Variants in FRA10AC1 observed in about 807,000 individuals in gnomAD.
FRA10AC1 encodes the protein protein FRA10AC1.
Under a neutral mutation model 56.5 loss-of-function variants are expected in FRA10AC1, and 43 were observed. That is an observed-to-expected ratio of 0.76 (90% CI 0.60 to 0.98). The LOEUF (loss-of-function observed/expected upper bound fraction) is 0.98. Ranked by LOEUF, FRA10AC1 falls within the 50% of genes least tolerant of loss-of-function variation. The pLI is 0.00. For missense variants in FRA10AC1, 346 were observed against 351.8 expected (o/e 0.98, Z 0.13); for synonymous variants, 112 against 110.5 (o/e 1.01, Z -0.09).
chr10:93,700,331 T>C (rs868260912), intron 1 of FRA10AC1, among the ~76,000 whole-genome samples: 1 of 152,162 alleles, frequency 6.6e-6, no homozygotes, highest in South Asian at 2.1e-4. Context: ...TTAATTATCA[T>C]TAGGTGAACA....
At chr10:93,695,529 T>C (rs2059217420) in intron 4 of FRA10AC1, among the ~76,000 whole-genome samples, 1 of 152,068 alleles carries the variant, frequency 6.6e-6, no homozygotes, top group African/African-American at 2.4e-5. Context: ...ACAAAATATA[T>C]GAGCATTTTA....
chr10:93,671,141 T>C, intron 12 of FRA10AC1: 1 of 284,224 alleles, frequency 3.5e-6, no homozygotes, highest in East Asian at 7.2e-5. Flanking sequence ...AAGTCAATTA[T>C]CTCTTGCAAT....
At chr10:93,676,507 C>A (rs536246865) in intron 12 of FRA10AC1, 146 bp downstream of exon 12, 3 of 1,249,146 alleles carry the variant, frequency 2.4e-6, no homozygotes, top group East Asian at 3.3e-5. Flanking sequence ...ACACTTTTGG[C>A]CTTTTTTCTA....
intron 4 of FRA10AC1, among the ~76,000 whole-genome samples, chr10:93,695,337 T>A (rs1326637508): frequency 6.6e-6 from 1 of 151,666 alleles, no homozygotes; most frequent in Non-Finnish European, 1.5e-5. Context: ...TATCATAAAA[T>A]ATAATTTATC....
At chr10:93,678,449 A>G (rs573492450) in intron 11 of FRA10AC1, among the ~76,000 whole-genome samples, 1 of 152,254 alleles carries the variant, frequency 6.6e-6, no homozygotes, top group South Asian at 2.1e-4. Context: ...TTACACTGGG[A>G]GTACAGAGAG....
At chr10:93,702,929 A>G (rs920290855), upstream of FRA10AC1, 1 of 454,254 alleles carries the variant, frequency 2.2e-6, no homozygotes, top group African/African-American at 2.0e-5. Context: ...ATCCTCTCAG[A>G]GCAGCTCATC....
chr10:93,689,546 T>C (rs1029085691), intron 7 of FRA10AC1, among the ~76,000 whole-genome samples: 2 of 152,162 alleles, frequency 1.3e-5, no homozygotes, highest in Non-Finnish European at 2.9e-5. Context: ...AACTTTCTTC[T>C]TCATTCATTA....
intron 5 of FRA10AC1, among the ~76,000 whole-genome samples, chr10:93,693,410 C>T (rs2059156995): frequency 6.8e-6 from 1 of 147,282 alleles, no homozygotes; most frequent in African/African-American, 2.5e-5. Flanking sequence ...GCACAATTCG[C>T]AATTGCAAAG....
intron 4 of FRA10AC1, among the ~76,000 whole-genome samples, chr10:93,696,170 C>T (rs2059231676): frequency 6.6e-6 from 1 of 152,154 alleles, no homozygotes; most frequent in South Asian, 2.1e-4. Flanking sequence ...AGGCGCCCCG[C>T]TAGGGACCTC....
intron 4 of FRA10AC1, 38 bp downstream of exon 4, chr10:93,698,098 C>A: frequency 8.4e-7 from 1 of 1,190,308 alleles, no homozygotes; most frequent in South Asian, 1.6e-5. Context: ...TTAAAATATT[C>A]TACTAGTTAT....
intron 2 of FRA10AC1, among the ~76,000 whole-genome samples, chr10:93,698,912 T>C (rs980768954): frequency 6.6e-6 from 1 of 152,214 alleles, no homozygotes; most frequent in African/African-American, 2.4e-5. Context: ...TAAGACACTT[T>C]TTCACATTTT....
chr10:93,677,571 G>A (rs1020326642), intron 11 of FRA10AC1, among the ~76,000 whole-genome samples: 6 of 152,178 alleles, frequency 3.9e-5, no homozygotes, highest in African/African-American at 1.4e-4. Flanking sequence ...GAACCAAAGG[G>A]AGGAAGCTGT....
rs1336488387 is a variant in FRA10AC1 at position 93,693,524 on chromosome 10, TATAC to T, written c.297-799_297-796del. ...TATATATATACACCATATATATATA[TATAC>T]ACCATATATATATATATATACACAC... On this transcript the variant is annotated intron_variant, in intron 5 of 13. Transcript: ENST00000359204. 4.7e-3 allele frequency among the ~76,000 whole-genome samples: 63 copies of T among 13,450 alleles called. 3 individuals are homozygous for T. Among genetic ancestry groups the T allele is most frequent in the African/African-American group, 0.012 (58 of 4,792 alleles). 8.8% of individuals were successfully genotyped at this position (13,450 alleles called of 152,430 possible). A position where few individuals can be genotyped will look rare whatever the true frequency, so the allele number is the denominator to read the frequency against.
At chr10:93,688,926 TACTTA>T (rs1364361032) in intron 7 of FRA10AC1, among the ~76,000 whole-genome samples, 2 of 152,182 alleles carry the variant, frequency 1.3e-5, no homozygotes, top group Non-Finnish European at 2.9e-5. Flanking sequence ...TTGGGAAAGT[TACTTA>T]ACTTCTCTAC....
In FRA10AC1 at chr10:93,698,283, G is replaced by T; in HGVS notation, c.173+18C>A. ...GCAACTTAAACCAAGAAATAGAATT[G>T]ACACTGAAATACCATACCTATCCAG... is the stretch of plus-strand genomic sequence containing the variant. On this transcript the variant is annotated intron_variant, in intron 3 of 13. Coordinates refer to ENST00000359204, the MANE Select transcript of FRA10AC1 (RefSeq NM_145246.5). The T allele has an allele frequency of 1.3e-6, 2 of 1,558,380 alleles. No homozygotes were observed. The highest frequency in any genetic ancestry group is 1.1e-5 in the South Asian group (1 of 88,394).
intron 11 of FRA10AC1, among the ~76,000 whole-genome samples, chr10:93,678,933 A>G (rs2058887843): frequency 6.6e-6 from 1 of 152,104 alleles, no homozygotes; most frequent in Non-Finnish European, 1.5e-5. Flanking sequence ...GTCCAAACGC[A>G]GCTGAGATGT....
In FRA10AC1 at chr10:93,668,877, A is replaced by G. The variant is rs1164690403; in HGVS notation, c.*949T>C. 1 of 152,198 alleles carries G rather than the reference A, an allele frequency of 6.6e-6. No individual in the cohort carries two copies. Among genetic ancestry groups the G allele is most frequent in the Non-Finnish European group, 1.5e-5 (1 of 68,050 alleles). 9.4% of individuals were successfully genotyped at this position (152,198 alleles called of 1,614,324 possible). On this transcript the variant is annotated 3_prime_UTR_variant, in exon 14 of 14. Transcript: ENST00000359204. ...TTGGGTGGGGACACAGAGCCAAACC[A>G]TATCAGAGGTATATTCATATTTGCA...
At chr10:93,677,886 G>A (rs1169182140) in intron 11 of FRA10AC1, among the ~76,000 whole-genome samples, 2 of 152,162 alleles carry the variant, frequency 1.3e-5, no homozygotes, top group African/African-American at 4.8e-5. Flanking sequence ...TTCCAGGACT[G>A]ATCTCTGAAG....
chr10:93,701,258 A>C (rs1487675089), intron 1 of FRA10AC1, among the ~76,000 whole-genome samples: 1 of 152,192 alleles, frequency 6.6e-6, no homozygotes, highest in Non-Finnish European at 1.5e-5. Flanking sequence ...TACATAACTA[A>C]TTTACATGGC....
Sources: allele counts gnomAD v4.1 joint callset (sites outside exome capture counted in the v4.1 genomes callset), GRCh38; gene constraint gnomAD v4.1.1; transcripts MANE v1.5; gene names NCBI Gene and HGNC (gene_info 2026-07-23, HGNC 2026-07-21).